Variants in SOCS6 observed in about 807,000 individuals in gnomAD.
The protein encoded by SOCS6 is suppressor of cytokine signaling 6, also known as STAT induced STAT inhibitor-4.
A neutral mutation model predicts 27.7 loss-of-function variants in SOCS6; 5 were observed. That is an observed-to-expected ratio of 0.18 (90% CI 0.09 to 0.38). SOCS6 has a LOEUF of 0.38. Ranked by LOEUF, SOCS6 falls within the 10% of genes least tolerant of loss-of-function variation. SOCS6 has a pLI of 1.00. For synonymous variants in SOCS6, 271 were observed against 260.0 expected (o/e 1.04, Z -0.41); for missense variants, 595 against 688.1 (o/e 0.86, Z 1.51).
Position 70,325,347 on chromosome 18 carries a change from T to G in SOCS6, c.679T>G (p.Leu227Val). 6.2e-7 allele frequency: 1 copy of G among 1,614,130 alleles called. No homozygotes were observed. Among genetic ancestry groups the G allele is most frequent in the Non-Finnish European group, 8.5e-7 (1 of 1,179,996 alleles). The change falls in exon 2 of 2, where the codon TTA becomes GTA. Residue 227 changes from leucine to valine, a missense_variant. Around this residue, in one of 2 missense-constraint regions of SOCS6, gnomAD observed 467 missense variants for 481.1 expected, o/e 0.97. Transcript: ENST00000397942. The surrounding 1 kb of genome is among the most constrained non-coding windows in gnomAD (Gnocchi z 6.3). ...PQDYIQYTVP[L>V]DEGMYPLEGS... is the part of the protein sequence containing the mutation. ...GGACTACATTCAGTATACTGTGCCT[T>G]TAGATGAGGGGATGTATCCTTTGGA... is the stretch of plus-strand genomic sequence containing the variant.
At chr18:70,307,402 C>T (rs1158381417) in intron 1 of SOCS6, among the ~76,000 whole-genome samples, 1 of 152,192 alleles carries the variant, frequency 6.6e-6, no homozygotes, top group African/African-American at 2.4e-5. Flanking sequence ...TCTCTGTTAG[C>T]TGAAAGAGTT....
rs932798136 is a variant in SOCS6, at chr18:70,325,662, A to G, written c.994A>G (p.Thr332Ala). The G allele has an allele frequency of 1.9e-6, 3 of 1,614,074 alleles. No individual in the cohort carries two copies. Among genetic ancestry groups the G allele is most frequent in the African/African-American group, 2.7e-5 (2 of 74,922 alleles). ...IQRNFSGLTG[T>A]EAHVAESMRC... Reference sequence around the variant, plus strand: ...AAGGAACTTCAGTGGACTCACTGGCACAGAAGCCCACGTGGCTGAAAGTAT... The same window carrying G: ...AAGGAACTTCAGTGGACTCACTGGCGCAGAAGCCCACGTGGCTGAAAGTAT... Residue 332 changes from threonine (T) to alanine (A), a missense_variant, in exon 2 of 2, where the codon ACA becomes GCA. By Grantham distance (58) the Thr-to-Ala change is moderately conservative. Around this residue, in one of 2 missense-constraint regions of SOCS6, gnomAD observed 467 missense variants for 481.1 expected, o/e 0.97. Coordinates refer to ENST00000397942, the MANE Select transcript of SOCS6 (RefSeq NM_004232.4). The surrounding 1 kb of genome is among the most constrained non-coding windows in gnomAD (Gnocchi z 6.3).
chr18:70,304,981 C>T (rs1028991793), intron 1 of SOCS6, among the ~76,000 whole-genome samples: 1 of 151,964 alleles, frequency 6.6e-6, no homozygotes, highest in Non-Finnish European at 1.5e-5. Context: ...CCGAGGTGGG[C>T]GGATCTGAAG....
chr18:70,326,616 AT>A lies in SOCS6; in HGVS notation c.*343del. The A allele has an allele frequency of 4.0e-6, 1 of 247,852 alleles. No homozygotes were observed. Among genetic ancestry groups the A allele is most frequent in the Non-Finnish European group, 8.4e-6 (1 of 118,962 alleles). The allele number at this position is 247,852 out of a possible 1,614,324, so 15.4% of individuals were successfully genotyped here. On this transcript the variant is annotated 3_prime_UTR_variant, in exon 2 of 2. Transcript: ENST00000397942. ...TGTGATTTTTATGCATTAAAAGCAC[AT>A]TTCATGTGTATTCAACCCTAAGTAA... is the stretch of plus-strand genomic sequence containing the variant.
Position 70,325,719 on chromosome 18 carries a change from G to A in SOCS6, c.1051G>A (p.Ala351Thr). The change falls in exon 2 of 2, where the codon GCT (alanine) becomes ACT (threonine). Residue 351 changes from alanine (A) to threonine (T), a missense_variant. Physicochemically the swap from Ala to Thr is moderately conservative, Grantham distance 58. This residue lies in a region of SOCS6 where 467 missense variants were observed against 481.1 expected (regional missense o/e 0.97). Transcript: ENST00000397942. This position sits in a 1 kb window ranked among gnomAD's most constrained non-coding sequence, Gnocchi z 6.3. ...RCHLNFDPNSAPGVARVYDSV... is the reference protein window; with the variant it reads ...RCHLNFDPNSTPGVARVYDSV... ...TCATTTGAATTTTGATCCGAACTCT[G>A]CTCCTGGGGTTGCAAGAGTTTATGA... 1 of 1,614,192 alleles carries A rather than the reference G, an allele frequency of 6.2e-7. No individual in the cohort carries two copies. The highest frequency in any genetic ancestry group is 8.5e-7 in the Non-Finnish European group (1 of 1,180,026).
intron 1 of SOCS6, among the ~76,000 whole-genome samples, chr18:70,307,729 C>T (rs1461365879): frequency 6.6e-6 from 1 of 152,082 alleles, no homozygotes; most frequent in African/African-American, 2.4e-5. Context: ...TTTATGTCTT[C>T]TCTCTTAATT....
chr18:70,304,772 C>T (rs1282286877), intron 1 of SOCS6, among the ~76,000 whole-genome samples: 1 of 152,164 alleles, frequency 6.6e-6, no homozygotes, highest in Non-Finnish European at 1.5e-5. Context: ...TGTTTTGAAA[C>T]ACAAACACTT....
intron 1 of SOCS6, among the ~76,000 whole-genome samples, chr18:70,318,255 T>A (rs557303407): frequency 6.6e-6 from 1 of 152,330 alleles, no homozygotes; most frequent in African/African-American, 2.4e-5. Flanking sequence ...TGCATTTATT[T>A]ATTATTTCTA....
chr18:70,294,689 TG>T (rs2062315787), intron 1 of SOCS6, among the ~76,000 whole-genome samples: 1 of 152,236 alleles, frequency 6.6e-6, no homozygotes, highest in Non-Finnish European at 1.5e-5. Flanking sequence ...GGATTGCTAG[TG>T]CAAGCTGCTA....
intron 1 of SOCS6, among the ~76,000 whole-genome samples, chr18:70,303,169 C>T (rs13380965): frequency 0.084 from 12,815 of 152,204 alleles, 605 homozygotes; most frequent in Middle Eastern, 0.18. Flanking sequence ...AATTGAACCA[C>T]ATACATATAA....
chr18:70,293,638 C>A (rs971988272), intron 1 of SOCS6, among the ~76,000 whole-genome samples: 2 of 152,042 alleles, frequency 1.3e-5, no homozygotes, highest in African/African-American at 2.4e-5. Flanking sequence ...AGAAGCCCTC[C>A]ATGCTAACTA....
chr18:70,308,328 C>A (rs946170046), intron 1 of SOCS6, among the ~76,000 whole-genome samples: 1 of 152,174 alleles, frequency 6.6e-6, no homozygotes, highest in African/African-American at 2.4e-5. Flanking sequence ...AGTGATCCTC[C>A]TGCCCCAGCT....
chr18:70,310,866 C>A (rs1200758427), intron 1 of SOCS6, among the ~76,000 whole-genome samples: 1 of 152,164 alleles, frequency 6.6e-6, no homozygotes, highest in African/African-American at 2.4e-5. Flanking sequence ...GCACTTGTAT[C>A]CATTCCTTGG....
At chr18:70,298,832 C>CT (rs1488939349) in intron 1 of SOCS6, among the ~76,000 whole-genome samples, 2 of 152,086 alleles carry the variant, frequency 1.3e-5, no homozygotes, top group African/African-American at 4.8e-5. Flanking sequence ...AGTGTGAAAA[C>CT]TGAGTGTCCA....
intron 1 of SOCS6, among the ~76,000 whole-genome samples, chr18:70,305,365 A>G (rs1326441321): frequency 6.6e-6 from 1 of 152,216 alleles, no homozygotes; most frequent in East Asian, 1.9e-4. Context: ...GACTTTCCTC[A>G]TTGACTCGTC....
intron 1 of SOCS6, among the ~76,000 whole-genome samples, chr18:70,307,360 C>T (rs955001655): frequency 6.6e-6 from 1 of 152,158 alleles, no homozygotes; most frequent in African/African-American, 2.4e-5. Context: ...TAATACTGGC[C>T]TCACAGAATG....
chr18:70,312,997 G>T (rs1287229045), intron 1 of SOCS6, among the ~76,000 whole-genome samples: 1 of 152,030 alleles, frequency 6.6e-6, no homozygotes, highest in Non-Finnish European at 1.5e-5. Flanking sequence ...GGCCGGGCTG[G>T]TCTCGAACTC....
chr18:70,295,558 A>G (rs191979191), intron 1 of SOCS6, among the ~76,000 whole-genome samples: 169 of 152,350 alleles, frequency 1.1e-3, no homozygotes, highest in African/African-American at 3.9e-3. Flanking sequence ...CCCTCAGACA[A>G]TAGTCATTTT....
Position 70,327,142 on chromosome 18 carries a change from G to A in SOCS6, c.*866G>A, listed in dbSNP as rs1337529129. On this transcript the variant is annotated 3_prime_UTR_variant, in exon 2 of 2. Transcript: ENST00000397942. ...TAGCTTCCTGTGATAGCATTTTTTT[G>A]TGTGTTACCTATCCTTTTGGTAAAA... 3 of 166,808 alleles carry A rather than the reference G, an allele frequency of 1.8e-5. No individual in the cohort carries two copies. Among genetic ancestry groups the A allele is most frequent in the Non-Finnish European group, 4.4e-5 (3 of 68,040 alleles). 10.3% of individuals were successfully genotyped at this position (166,808 alleles called of 1,614,324 possible).
Sources: gnomAD v4.1 joint callset for allele counts (sites outside exome capture counted in the v4.1 genomes callset) on GRCh38, gnomAD v4.1.1 for gene constraint, gnomAD v4.1.1 regional missense constraint, Gnocchi (gnomAD v3.1) non-coding constraint, MANE v1.5 for transcripts, NCBI Gene and HGNC (gene_info 2026-07-23, HGNC 2026-07-21) for gene names.